Variants in TASOR2 observed in about 807,000 individuals in gnomAD.
TASOR2 encodes the protein transcription activation suppressor family member 2, also known as protein TASOR 2.
TASOR2 carries 84 observed loss-of-function variants against 199.5 expected under a neutral mutation model. The observed-to-expected ratio is 0.42, with a 90% CI of 0.35 to 0.50. TASOR2 has a LOEUF of 0.50. Ranked by LOEUF, TASOR2 falls within the 20% of genes least tolerant of loss-of-function variation. The pLI is 0.02. For synonymous variants in TASOR2, 1,103 were observed against 1,046.6 expected (o/e 1.05, Z -1.04); for missense variants, 2,796 against 2,835.9 (o/e 0.99, Z 0.32).
chr10:5,696,375 G>A (rs1837156409), intron 1 of TASOR2, among the ~76,000 whole-genome samples: 1 of 152,136 alleles, frequency 6.6e-6, no homozygotes, highest in Non-Finnish European at 1.5e-5. Flanking sequence ...TTCATTTTTT[G>A]AGACAGGGCC....
At chr10:5,715,426 A>G (rs140158178) in intron 2 of TASOR2, among the ~76,000 whole-genome samples, 16 of 151,916 alleles carry the variant, frequency 1.1e-4, no homozygotes, top group African/African-American at 3.4e-4. Context: ...CCACCAGTCT[A>G]TTTTCTGCCT....
intron 15 of TASOR2, 70 bp from the exon 17 acceptor site, chr10:5,756,543 T>C (rs550617934): frequency 6.9e-5 from 105 of 1,512,254 alleles, no homozygotes; most frequent in Admixed American, 8.1e-5. Flanking sequence ...TTTCATTATT[T>C]TAATAAACTA....
chr10:5,762,584 A>G, exon 20 of TASOR2: 1 of 1,465,116 alleles, frequency 6.8e-7, no homozygotes, highest in Non-Finnish European at 9.3e-7. Context: ...TCCTTGTTAC[A>G]GATGTAAATA....
exon 16 of TASOR2, chr10:5,756,640 G>C: frequency 6.2e-7 from 1 of 1,613,414 alleles, no homozygotes; most frequent in Non-Finnish European, 8.5e-7. Context: ...AGGCCATACA[G>C]AAATTGAACC....
chr10:5,709,534 T>C (rs1831646848), intron 1 of TASOR2: 20 of 1,230,774 alleles, frequency 1.6e-5, no homozygotes, highest in Non-Finnish European at 2.0e-5. Flanking sequence ...TTTTAGCATT[T>C]ATGACATTAA....
chr10:5,732,851 G>A (rs1260758557), intron 11 of TASOR2, among the ~76,000 whole-genome samples: 1 of 152,202 alleles, frequency 6.6e-6, no homozygotes, highest in African/African-American at 2.4e-5. Flanking sequence ...GTTTTATCCT[G>A]TGGCTTCATA....
chr10:5,759,084 T>C, intron 18 of TASOR2, 92 bp downstream of exon 19: 1 of 832,682 alleles, frequency 1.2e-6, no homozygotes, highest in Non-Finnish European at 2.0e-6. Flanking sequence ...AGTGCTGCAG[T>C]GGAATGGCCT....
intron 11 of TASOR2, among the ~76,000 whole-genome samples, chr10:5,733,508 G>T (rs1340914272): frequency 6.6e-6 from 1 of 152,078 alleles, no homozygotes; most frequent in African/African-American, 2.4e-5. Flanking sequence ...CAAAAAAAAA[G>T]AAAGAATTCT....
At chr10:5,728,248 T>C (rs1437200862) in intron 10 of TASOR2, among the ~76,000 whole-genome samples, 1 of 151,752 alleles carries the variant, frequency 6.6e-6, no homozygotes, top group South Asian at 2.1e-4. Flanking sequence ...AGTCACTTTG[T>C]TGTATAATCA....
Position 5,748,139 on chromosome 10 carries a change from A to T in TASOR2, c.4718A>T (p.Glu1573Val). 1 of 1,614,238 alleles carries T rather than the reference A, an allele frequency of 6.2e-7. No individual in the cohort carries two copies. Among genetic ancestry groups the T allele is most frequent in the Non-Finnish European group, 8.5e-7 (1 of 1,180,044 alleles). The change falls in exon 15 of 21, where the codon GAA becomes GTA. Residue 1573 changes from glutamate (E) to valine (V), a missense_variant. Physicochemically the swap from Glu to Val is moderately radical, Grantham distance 121. This residue lies in a region of TASOR2 where 1,941 missense variants were observed against 1,924.9 expected (regional missense o/e 1.01). Coordinates refer to ENST00000328090, the Ensembl canonical transcript of TASOR2. This position sits in a 1 kb window ranked among gnomAD's most constrained non-coding sequence, Gnocchi z 5.1. Reference sequence around the variant, plus strand: ...AAACATCTTGTCTTGGAGTCCAGTGAACCTCCATTTGGTCCTAGAAATGTT... The same window carrying T: ...AAACATCTTGTCTTGGAGTCCAGTGTACCTCCATTTGGTCCTAGAAATGTT...
At chr10:5,712,728 A>G in intron 1 of TASOR2, 95 bp from the exon 2 acceptor site, 1 of 739,032 alleles carries the variant, frequency 1.4e-6, no homozygotes, top group East Asian at 3.4e-5. Flanking sequence ...TTTAGTCTTA[A>G]TGGCAGGAAG....
intron 14 of TASOR2, among the ~76,000 whole-genome samples, chr10:5,744,792 G>T (rs544459617): frequency 6.6e-6 from 1 of 151,942 alleles, no homozygotes; most frequent in South Asian, 2.1e-4. Context: ...CCACTCCTGG[G>T]TAATTTTTGT....
At chr10:5,731,411 C>G (rs1588778896) in intron 11 of TASOR2, among the ~76,000 whole-genome samples, 1 of 152,254 alleles carries the variant, frequency 6.6e-6, no homozygotes, top group African/African-American at 2.4e-5. Context: ...GCCTGTAGTC[C>G]TAGCTACTCG....
At chr10:5,736,301 C>G (rs1195371247) in intron 12 of TASOR2, among the ~76,000 whole-genome samples, 1 of 152,024 alleles carries the variant, frequency 6.6e-6, no homozygotes, top group Non-Finnish European at 1.5e-5. Context: ...GCCTGTAATC[C>G]CAGCTACTCG....
chr10:5,704,172 C>T lies in TASOR2; in HGVS notation c.-287-8651C>T, dbSNP rs370940010. ...CTGGGAGGCGAAAGTTGCCGTGAGC[C>T]GAGATCACACCATTGCACTCCAGCC... On this transcript the variant is annotated intron_variant, in intron 1 of 20. Coordinates refer to ENST00000328090, the Ensembl canonical transcript of TASOR2. Among the ~76,000 whole-genome samples the T allele has an allele frequency of 4.1e-4, 61 of 150,414 alleles. 1 individual carries two copies. In the East Asian group the frequency reaches 8.2e-3, roughly 20 times the overall value.
rs1217071858 is a variant in TASOR2 at position 5,720,928 on chromosome 10, T to C, written c.104T>C (p.Ile35Thr). The change falls in exon 6 of 21, where the codon ATA (isoleucine) becomes ACA (threonine). Residue 35 changes from isoleucine (I) to threonine (T), a missense_variant. By Grantham distance (89) the Ile-to-Thr change is moderately conservative (BLOSUM62 -1). Transcript: ENST00000328090. This position sits in a 1 kb window ranked among gnomAD's most constrained non-coding sequence, Gnocchi z 5.3. Reference sequence around the variant, plus strand: ...GTTCAAGACCGTATGCTATGTGATATAGCTCTTTGGTCCACTTACGGTGCA... The same window carrying C: ...GTTCAAGACCGTATGCTATGTGATACAGCTCTTTGGTCCACTTACGGTGCA... The C allele has an allele frequency of 1.2e-6, 2 of 1,613,700 alleles. No individual in the cohort carries two copies. Among genetic ancestry groups the C allele is most frequent in the Admixed American group, 1.7e-5 (1 of 59,972 alleles).
At chr10:5,713,215 T>C (rs1832144023) in intron 2 of TASOR2, among the ~76,000 whole-genome samples, 1 of 152,210 alleles carries the variant, frequency 6.6e-6, no homozygotes, top group Admixed American at 6.5e-5. Context: ...AGTGAATGGA[T>C]ATTTTTCCAT....
rs1197485974 is a variant in TASOR2, at chr10:5,699,217, A to G, written c.-287-13606A>G. On this transcript the variant is annotated intron_variant, in intron 1 of 20. Coordinates refer to ENST00000328090, the Ensembl canonical transcript of TASOR2. This position sits in a 1 kb window ranked among gnomAD's most constrained non-coding sequence, Gnocchi z 4.1. Reference sequence around the variant, plus strand: ...AAAACAGGCTAAGTGAAAGAAGCCAATCATGAAGGACCGCGTGCTGTATGA... The same window carrying G: ...AAAACAGGCTAAGTGAAAGAAGCCAGTCATGAAGGACCGCGTGCTGTATGA... 2.0e-5 allele frequency among the ~76,000 whole-genome samples: 3 copies of G among 152,184 alleles called. No homozygotes were observed. The highest frequency in any genetic ancestry group is 1.9e-4 in the East Asian group (1 of 5,202).
In TASOR2 at chr10:5,702,560, G is replaced by A. The variant is rs185762267; in HGVS notation, c.-287-10263G>A. On this transcript the variant is annotated intron_variant, in intron 1 of 20. Transcript: ENST00000328090. ...TAAATGTTTGGTAGAATCCAGCAGT[G>A]AAGCTATAAGGTCTTGGGCTTTTCT... Among the ~76,000 whole-genome samples, 487 of 151,288 alleles carry A rather than the reference G, an allele frequency of 3.2e-3. 1 individual carries two copies. Among genetic ancestry groups the A allele is most frequent in the African/African-American group, 0.011 (471 of 41,280 alleles).
Sources: allele counts gnomAD v4.1 joint callset (sites outside exome capture counted in the v4.1 genomes callset), GRCh38; gene constraint gnomAD v4.1.1; regional missense constraint gnomAD v4.1.1; non-coding constraint Gnocchi (gnomAD v3.1); transcripts MANE v1.5; gene names NCBI Gene and HGNC (gene_info 2026-07-23, HGNC 2026-07-21).